The following TFEC variants were observed in gnomAD, a reference collection of about 807,000 sequenced individuals.
TFEC encodes class E basic helix-loop-helix protein 34.
A neutral mutation model predicts 41.6 loss-of-function variants in TFEC; 31 were observed. That is an observed-to-expected ratio of 0.74 (90% CI 0.56 to 1.01). The LOEUF (loss-of-function observed/expected upper bound fraction) is 1.01. Among genes scored for constraint, TFEC ranks in the 50% least tolerant of loss-of-function variants. The pLI, the probability that TFEC is intolerant of heterozygous loss-of-function variation, is 0.00. For missense variants in TFEC, 402 were observed against 404.1 expected (o/e 0.99, Z 0.04); for synonymous variants, 143 against 140.6 (o/e 1.02, Z -0.12).
At position 116,062,971 on chromosome 7, in the gene TFEC, T is replaced by C. The variant is rs1039439092; in HGVS notation, c.198+47737A>G. 2.0e-5 allele frequency among the ~76,000 whole-genome samples: 3 copies of C among 152,178 alleles called. No individual in the cohort carries two copies. The South Asian group carries it at 6.2e-4, about 32-fold the overall frequency. On this transcript the variant is annotated intron_variant, in intron 3 of 8. Coordinates refer to the TFEC transcript ENST00000484212. Reference sequence around the variant, plus strand: ...TTTATTTAAGAGAAATAGAAACATATGTTCTTGCAAATATTTAGACACAAA... The same window carrying C: ...TTTATTTAAGAGAAATAGAAACATACGTTCTTGCAAATATTTAGACACAAA...
intron 3 of TFEC, among the ~76,000 whole-genome samples, chr7:116,036,420 C>G (rs1313440481): frequency 6.6e-6 from 1 of 152,018 alleles, no homozygotes; most frequent in Non-Finnish European, 1.5e-5. Flanking sequence ...TCTGACAAAA[C>G]TTAAAAGTGC....
chr7:116,139,204 T>G (rs138848997), intron 1 of TFEC, among the ~76,000 whole-genome samples: 2 of 152,286 alleles, frequency 1.3e-5, no homozygotes, highest in African/African-American at 2.4e-5. Context: ...AAGTTCAGCC[T>G]GTGAAGTAGA....
chr7:115,966,767 A>G (rs186281469), intron 3 of TFEC, among the ~76,000 whole-genome samples: 1 of 151,804 alleles, frequency 6.6e-6, no homozygotes, highest in African/African-American at 2.4e-5. Flanking sequence ...TTTCTCAGTT[A>G]TATTCTTTCC....
intron 2 of TFEC, among the ~76,000 whole-genome samples, chr7:115,979,574 CCG>C (rs1415272589): frequency 6.6e-6 from 1 of 152,108 alleles, no homozygotes; most frequent in Admixed American, 6.6e-5. Context: ...ATCTTATTGA[CCG>C]TTCTAAGTTC....
At chr7:115,983,216 A>G (rs1793705671) in intron 2 of TFEC, among the ~76,000 whole-genome samples, 1 of 152,178 alleles carries the variant, frequency 6.6e-6, no homozygotes, top group African/African-American at 2.4e-5. Context: ...GAGTAAATAT[A>G]CATGTAGGTA....
intron 1 of TFEC, among the ~76,000 whole-genome samples, chr7:116,019,263 T>G (rs1174275592): frequency 6.6e-6 from 1 of 152,200 alleles, no homozygotes; most frequent in African/African-American, 2.4e-5. Flanking sequence ...CATCTTTCCC[T>G]TCAATTGCTC....
chr7:116,127,980 T>C (rs1295192694), intron 1 of TFEC, among the ~76,000 whole-genome samples: 2 of 152,204 alleles, frequency 1.3e-5, no homozygotes, highest in African/African-American at 4.8e-5. Flanking sequence ...AAGGCTTTTC[T>C]AAATATACTA....
intron 3 of TFEC, among the ~76,000 whole-genome samples, chr7:116,106,219 T>C (rs1797713670): frequency 6.6e-6 from 1 of 152,174 alleles, no homozygotes; most frequent in South Asian, 2.1e-4. Context: ...AATTAATAAA[T>C]ACTTGTTGAA....
intron 3 of TFEC, among the ~76,000 whole-genome samples, chr7:116,105,049 A>G (rs1158842481): frequency 6.6e-6 from 1 of 152,164 alleles, no homozygotes; most frequent in Non-Finnish European, 1.5e-5. Flanking sequence ...TTATATTTTG[A>G]ATCCGACCTC....
intron 2 of TFEC, among the ~76,000 whole-genome samples, chr7:115,979,545 G>A (rs1006385092): frequency 2.0e-5 from 3 of 152,106 alleles, no homozygotes; most frequent in South Asian, 4.1e-4. Flanking sequence ...ACAGCTGTCT[G>A]AATGAAGAAA....
At position 116,090,269 on chromosome 7, in the gene TFEC, C is replaced by A. The variant is rs540848167; in HGVS notation, c.198+20439G>T. 4.6e-5 allele frequency among the ~76,000 whole-genome samples: 7 copies of A among 152,170 alleles called. No homozygotes were observed. In the Middle Eastern group the frequency reaches 0.02, roughly 444 times the overall value. Reference sequence around the variant, plus strand: ...TTTCTGCAACCAATTAGACTGATTGCGGGCCACCAATTCATTTACATGAGG... The same window carrying A: ...TTTCTGCAACCAATTAGACTGATTGAGGGCCACCAATTCATTTACATGAGG... On this transcript the variant is annotated intron_variant, in intron 3 of 8. Coordinates refer to the TFEC transcript ENST00000484212.
chr7:115,971,984 C>G (rs1379139140), intron 3 of TFEC, among the ~76,000 whole-genome samples: 2 of 152,026 alleles, frequency 1.3e-5, no homozygotes, highest in African/African-American at 4.8e-5. Context: ...GGCTAATATA[C>G]TTACTCAAAG....
At chr7:115,961,932 T>A (rs990923868) in intron 3 of TFEC, among the ~76,000 whole-genome samples, 1 of 151,446 alleles carries the variant, frequency 6.6e-6, no homozygotes, top group African/African-American at 2.4e-5. Flanking sequence ...ATTCTACACT[T>A]ACACACACAC....
chr7:116,057,579 G>A (rs1030868819), intron 3 of TFEC, among the ~76,000 whole-genome samples: 6 of 151,916 alleles, frequency 3.9e-5, no homozygotes, highest in African/African-American at 1.4e-4. Context: ...AGACTGGAAA[G>A]AGTAATTTAT....
At chr7:116,007,817 CT>C (rs1794857505) in intron 1 of TFEC, among the ~76,000 whole-genome samples, 1 of 152,144 alleles carries the variant, frequency 6.6e-6, no homozygotes, top group Admixed American at 6.6e-5. Flanking sequence ...CATACAAATG[CT>C]TTTAAATGTA....
intron 3 of TFEC, among the ~76,000 whole-genome samples, chr7:116,047,217 G>A (rs1267739552): frequency 6.6e-6 from 1 of 152,126 alleles, no homozygotes; most frequent in African/African-American, 2.4e-5. Context: ...CCTCACCCGG[G>A]AAGTGCAAGG....
chr7:116,128,799 A>G (rs1798268547), intron 1 of TFEC, among the ~76,000 whole-genome samples: 1 of 152,228 alleles, frequency 6.6e-6, no homozygotes, highest in Non-Finnish European at 1.5e-5. Context: ...GATGGATTCA[A>G]TGAGTAATTC....
intron 1 of TFEC, among the ~76,000 whole-genome samples, chr7:116,016,480 G>T (rs888166294): frequency 2.6e-5 from 4 of 152,132 alleles, no homozygotes; most frequent in Non-Finnish European, 5.9e-5. Flanking sequence ...AAGCTCACAT[G>T]CAGTGACTTG....
intron 3 of TFEC, among the ~76,000 whole-genome samples, chr7:116,090,821 C>T (rs1428894478): frequency 1.3e-5 from 2 of 151,994 alleles, no homozygotes; most frequent in East Asian, 3.9e-4. Flanking sequence ...TTTGCAGGGA[C>T]ATGAATGAAG....
Sources: gnomAD v4.1 joint callset for allele counts (sites outside exome capture counted in the v4.1 genomes callset) on GRCh38, gnomAD v4.1.1 for gene constraint, MANE v1.5 for transcripts, NCBI Gene and HGNC (gene_info 2026-07-23, HGNC 2026-07-21) for gene names.